The following SLC30A6 variants were observed in gnomAD, a reference collection of about 807,000 sequenced individuals.
SLC30A6 encodes zinc transporter 6.
A neutral mutation model predicts 63.0 loss-of-function variants in SLC30A6; 55 were observed. That is an observed-to-expected ratio of 0.87 (90% CI 0.70 to 1.09). The LOEUF (loss-of-function observed/expected upper bound fraction) is 1.09, where lower values mean the gene tolerates loss of function less well. Among genes scored for constraint, SLC30A6 ranks in the 50% least tolerant of loss-of-function variants. The pLI, the probability that SLC30A6 is intolerant of heterozygous loss-of-function variation, is 0.00. For synonymous variants in SLC30A6, 224 were observed against 186.1 expected, an observed-to-expected ratio of 1.20 and a Z score of -1.66; for missense variants, 587 against 549.2, an observed-to-expected ratio of 1.07 and a Z score of -0.69.
intron 10 of SLC30A6, chr2:32,203,715 T>A: frequency 6.5e-7 from 1 of 1,531,068 alleles, no homozygotes. Flanking sequence ...TTCCTACAAC[T>A]AAGTCAGAAA....
chr2:32,171,305 C>T lies in SLC30A6; in HGVS notation c.22C>T (p.Arg8Ter), dbSNP rs142115336. Residue 8 changes from arginine to a stop codon, truncating the protein, a stop_gained, in exon 2 of 14, where the codon CGA (arginine) becomes TGA (stop). Transcript: ENST00000282587. LOFTEE classifies it high-confidence loss of function. ...TTGAAAGGGGACAATTCATCTCTTT[C>T]GAAAACCACAAAGATCCTTTTTTGG... Reference protein sequence around the residue: MGTIHLFRKPQRSFFGKL... With the variant: MGTIHLF 1.9e-6 allele frequency: 3 copies of T among 1,613,394 alleles called. No homozygotes were observed. Among genetic ancestry groups the T allele is most frequent in the East Asian group, 4.5e-5 (2 of 44,802 alleles).
intron 5 of SLC30A6, among the ~76,000 whole-genome samples, chr2:32,188,625 C>T (rs1000536441): frequency 6.6e-6 from 1 of 152,154 alleles, no homozygotes; most frequent in African/African-American, 2.4e-5. Flanking sequence ...GACCGGGAGG[C>T]GGAGACTGCA....
At chr2:32,183,664 G>C (rs1259361163) in intron 4 of SLC30A6, among the ~76,000 whole-genome samples, 1 of 148,946 alleles carries the variant, frequency 6.7e-6, no homozygotes, top group South Asian at 2.1e-4. Flanking sequence ...CTCCAGCCTG[G>C]GCAACAGAGC....
chr2:32,197,182 G>A (rs1324262564), intron 8 of SLC30A6, 162 bp from the exon 9 acceptor site: 2 of 617,780 alleles, frequency 3.2e-6, no homozygotes, highest in South Asian at 4.4e-5. Flanking sequence ...TGGCATAAGG[G>A]CATAAAAGAG....
chr2:32,175,567 G>T (rs1041852754), intron 4 of SLC30A6, among the ~76,000 whole-genome samples: 5 of 152,148 alleles, frequency 3.3e-5, no homozygotes, highest in African/African-American at 1.2e-4. Context: ...GCAAATCTAT[G>T]GAGAGAAAAA....
At position 32,184,333 on chromosome 2, in the gene SLC30A6, A is replaced by T; in HGVS notation, c.279A>T (p.Ser93=). The change falls in exon 5 of 14, where the codon TCA becomes TCT. Residue 93 remains serine (S), a synonymous_variant. Coordinates refer to ENST00000282587, the MANE Select transcript of SLC30A6 (RefSeq NM_017964.5). ...VTLRKPSPVY[S]FGFERLEVLA... is the part of the protein sequence containing the mutation. ...TGAGGAAACCTAGCCCTGTCTATTC[A>T]TTTGGGTAAGTTCAAATTATTTTAT... The T allele has an allele frequency of 6.7e-7, 1 of 1,493,722 alleles. No homozygotes were observed. The highest frequency in any genetic ancestry group is 9.0e-7 in the Non-Finnish European group (1 of 1,110,064). The allele number at this position is 1,493,722 out of a possible 1,614,324, so 92.5% of individuals were successfully genotyped here.
At chr2:32,202,251 A>G in intron 10 of SLC30A6, 1 of 685,490 alleles carries the variant, frequency 1.5e-6, no homozygotes, top group South Asian at 2.0e-5. Flanking sequence ...TAGCTCAAGC[A>G]CAGACGGGAA....
intron 13 of SLC30A6, among the ~76,000 whole-genome samples, chr2:32,210,976 A>C (rs1436613977): frequency 6.6e-6 from 1 of 152,174 alleles, no homozygotes; most frequent in African/African-American, 2.4e-5. Context: ...GTTTGTTAGG[A>C]GTTACCTATG....
chr2:32,216,328 G>T (rs1440369408), intron 13 of SLC30A6, among the ~76,000 whole-genome samples: 1 of 152,128 alleles, frequency 6.6e-6, no homozygotes, highest in Non-Finnish European at 1.5e-5. Context: ...CTGAGGTCAG[G>T]AGTTCAAGAC....
intron 10 of SLC30A6, chr2:32,204,032 G>GC (rs1026207815): frequency 3.2e-6 from 2 of 627,890 alleles, no homozygotes; most frequent in African/African-American, 1.8e-5. Flanking sequence ...GTATGAGGTT[G>GC]CCTATTTCTG....
In SLC30A6 at chr2:32,212,583, C is replaced by CTTTTTTTTTTTT. The variant is rs1193348947; in HGVS notation, c.885+3039_885+3050dup. Among the ~76,000 whole-genome samples the CTTTTTTTTTTTT allele has an allele frequency of 6.0e-5, 5 of 83,024 alleles. 1 individual carries two copies. The highest frequency in any genetic ancestry group is 2.5e-4 in the Admixed American group (2 of 8,088). 54.5% of individuals were successfully genotyped at this position (83,024 alleles called of 152,430 possible). On this transcript the variant is annotated intron_variant, in intron 13 of 13. Coordinates refer to ENST00000282587, the MANE Select transcript of SLC30A6 (RefSeq NM_017964.5). ...CTTTCTTCCTCTCTGCCATTTTTAC[C>CTTTTTTTTTTTT]TTTTTTTTTTTTTTTTTTTTTTTTT...
intron 12 of SLC30A6, 104 bp from the exon 13 acceptor site, chr2:32,209,389 T>G (rs111586639): frequency 1.2e-5 from 10 of 807,490 alleles, no homozygotes; most frequent in Middle Eastern, 4.8e-4. Context: ...TTGTGCAGGA[T>G]TTGGCTGTCA....
intron 10 of SLC30A6, among the ~76,000 whole-genome samples, chr2:32,199,316 A>G (rs1026497507): frequency 6.6e-6 from 1 of 152,224 alleles, no homozygotes; most frequent in Admixed American, 6.5e-5. Flanking sequence ...CGAGTGTACA[A>G]ATATCTGAGT....
At chr2:32,169,595 G>A (rs1006659369) in intron 1 of SLC30A6, among the ~76,000 whole-genome samples, 4 of 152,204 alleles carry the variant, frequency 2.6e-5, no homozygotes, top group African/African-American at 9.6e-5. Flanking sequence ...TGGCTAACAC[G>A]GTGAAACCCC....
intron 5 of SLC30A6, among the ~76,000 whole-genome samples, chr2:32,191,334 A>AAT (rs1226778765): frequency 6.6e-6 from 1 of 152,120 alleles, no homozygotes; most frequent in Non-Finnish European, 1.5e-5. Flanking sequence ...TTTGTTTAAC[A>AAT]ATATATAATG....
chr2:32,192,503 G>C lies in SLC30A6; in HGVS notation c.365+87G>C. 1.3e-5 allele frequency: 16 copies of C among 1,200,062 alleles called. 1 individual carries two copies. In the South Asian group the frequency reaches 1.8e-4, roughly 13 times the overall value. The allele number at this position is 1,200,062 out of a possible 1,614,324, so 74.3% of individuals were successfully genotyped here. ...ACCCGTCAGACACATTTGCTTTCAA[G>C]GGTATGAAAACTTAGATGAGCAGGG... On this transcript the variant is annotated intron_variant, in intron 6 of 13. Transcript: ENST00000282587.
At chr2:32,210,249 C>T (rs944144760) in intron 13 of SLC30A6, among the ~76,000 whole-genome samples, 3 of 152,160 alleles carry the variant, frequency 2.0e-5, no homozygotes, top group Admixed American at 6.5e-5. Flanking sequence ...TGGTAGCTCA[C>T]GCCTGTAATA....
chr2:32,216,006 T>C (rs965481071), intron 13 of SLC30A6, among the ~76,000 whole-genome samples: 1 of 152,238 alleles, frequency 6.6e-6, no homozygotes, highest in East Asian at 1.9e-4. Context: ...GTGTGAATAG[T>C]GCTGCAGTGA....
At position 32,193,881 on chromosome 2, in the gene SLC30A6, C is replaced by A. The variant is rs755291906; in HGVS notation, c.402-8C>A. Reference sequence around the variant, plus strand: ...ATTAAAGGTGAATGTTATCGTTGTTCTTTTTAGGGGAAGATTATTAGTTGG... The same window carrying A: ...ATTAAAGGTGAATGTTATCGTTGTTATTTTTAGGGGAAGATTATTAGTTGG... On this transcript the variant is annotated splice_region_variant and splice_polypyrimidine_tract_variant and intron_variant, in intron 7 of 13. Coordinates refer to ENST00000282587, the MANE Select transcript of SLC30A6 (RefSeq NM_017964.5). 52 of 1,606,744 alleles carry A rather than the reference C, an allele frequency of 3.2e-5. 1 individual carries two copies. In the Admixed American group the frequency reaches 8.4e-4, roughly 26 times the overall value.
Sources: allele counts gnomAD v4.1 joint callset (sites outside exome capture counted in the v4.1 genomes callset), GRCh38; gene constraint gnomAD v4.1.1; transcripts MANE v1.5; gene names NCBI Gene and HGNC (gene_info 2026-07-23, HGNC 2026-07-21).